ELFN1: variants seen among roughly 807,000 people sequenced by gnomAD.
ELFN1 encodes extracellular leucine rich repeat and fibronectin type III domain containing 1.
ELFN1 carries 6 observed loss-of-function variants against 7.6 expected under a neutral mutation model. The observed-to-expected ratio is 0.79, with a 90% confidence interval of 0.43 to 1.56. The LOEUF (loss-of-function observed/expected upper bound fraction) is 1.56. Among genes scored for constraint, ELFN1 ranks in the 40% most tolerant of loss-of-function variants. The pLI is 0.01. For synonymous variants in ELFN1, 657 were observed against 588.1 expected (o/e 1.12, Z -1.70); for missense variants, 1,169 against 1,232.2 (o/e 0.95, Z 0.77).
At chr7:1,677,956 T>C (rs1778903812) in intron 1 of ELFN1, among the ~76,000 whole-genome samples, 1 of 151,980 alleles carries the variant, frequency 6.6e-6, no homozygotes, top group Non-Finnish European at 1.5e-5. Flanking sequence ...CTGACAGACA[T>C]CCGGGCTTAT....
intron 3 of ELFN1, among the ~76,000 whole-genome samples, chr7:1,712,427 CT>C (rs72490826): frequency 0.17 from 22,710 of 136,294 alleles, 1,819 homozygotes; most frequent in Middle Eastern, 0.27. Flanking sequence ...GCCTTCTTTC[CT>C]TTTTTTTTTT....
At position 1,691,133 on chromosome 7, in the gene ELFN1, G is replaced by T. The variant is rs184149309; in HGVS notation, c.-456+2983G>T. On this transcript the variant is annotated intron_variant, in intron 2 of 3. Coordinates refer to ENST00000424383, the MANE Select transcript of ELFN1 (RefSeq NM_001128636.4). Reference sequence around the variant, plus strand: ...GTCCAAGCCCAGGGAGTCAGAGAGCGACAGAGTTGGGACCCAAACTTGACC... The same window carrying T: ...GTCCAAGCCCAGGGAGTCAGAGAGCTACAGAGTTGGGACCCAAACTTGACC... 8.0e-3 allele frequency among the ~76,000 whole-genome samples: 1,212 copies of T among 152,276 alleles called. 10 individuals are homozygous for T. The highest frequency in any genetic ancestry group is 0.027 in the African/African-American group (1,127 of 41,534).
intron 2 of ELFN1, among the ~76,000 whole-genome samples, chr7:1,699,806 C>T (rs377109057): frequency 3.9e-5 from 6 of 152,110 alleles, no homozygotes; most frequent in African/African-American, 7.2e-5. Context: ...CAGGTTCAAG[C>T]GATTCTCCTG....
chr7:1,746,849 G>T lies in ELFN1; in HGVS notation c.2253G>T (p.Ser751=), dbSNP rs1415584493. ...CGCGGCCCCGCGACCTCGCCTACTCGCAGCTGTCCCCGCAGTACCACAGCC... is the reference window on the plus strand; with the variant it reads ...CGCGGCCCCGCGACCTCGCCTACTCTCAGCTGTCCCCGCAGTACCACAGCC... ...TRPRPRDLAY[S]QLSPQYHSLS... The change falls in exon 4 of 4, where the codon TCG becomes TCT. Residue 751 remains serine, a synonymous_variant. Transcript: ENST00000424383. 14 of 1,537,112 alleles carry T rather than the reference G, an allele frequency of 9.1e-6. No individual in the cohort carries two copies. The highest frequency in any genetic ancestry group is 1.2e-5 in the Non-Finnish European group (14 of 1,140,942).
At position 1,745,315 on chromosome 7, in the gene ELFN1, G is replaced by A. The variant is rs767232083; in HGVS notation, c.719G>A (p.Arg240His). ...YLLGQGRRGH[R>H]SILSKLQSVC... ...CTGGGCCAGGGCCGCCGCGGCCACC[G>A]CAGCATCCTCAGCAAACTGCAGTCA... is the stretch of plus-strand genomic sequence containing the variant. Residue 240 changes from arginine (R) to histidine (H), a missense_variant, in exon 4 of 4, where the codon CGC becomes CAC. Arg to His is a conservative substitution (Grantham distance 29). Around this residue, in one of 2 missense-constraint regions of ELFN1, gnomAD observed 255 missense variants for 359.6 expected, o/e 0.71. Transcript: ENST00000424383. The A allele has an allele frequency of 7.1e-5, 110 of 1,539,102 alleles. No individual in the cohort carries two copies. Among genetic ancestry groups the A allele is most frequent in the Middle Eastern group, 3.3e-4 (2 of 5,990 alleles).
intron 1 of ELFN1, among the ~76,000 whole-genome samples, chr7:1,674,729 G>T (rs542756823): frequency 6.6e-6 from 1 of 152,248 alleles, no homozygotes; most frequent in Admixed American, 6.5e-5. Context: ...GAAGGGACAG[G>T]GCCTTGCCTC....
At chr7:1,666,976 C>T (rs1778681222), upstream of ELFN1, among the ~76,000 whole-genome samples, 1 of 151,194 alleles carries the variant, frequency 6.6e-6, no homozygotes, top group African/African-American at 2.4e-5. The surrounding 1 kb of genome is among the most constrained non-coding windows in gnomAD (Gnocchi z 7.9). Context: ...GGGAAGCTGG[C>T]GCGGCGGGGC....
At chr7:1,689,669 C>T (rs868172742) in intron 2 of ELFN1, among the ~76,000 whole-genome samples, 8 of 152,346 alleles carry the variant, frequency 5.3e-5, no homozygotes, top group Middle Eastern at 3.4e-3. Flanking sequence ...ACAACATTAT[C>T]CATTTACAGC....
Position 1,746,198 on chromosome 7 carries a change from G to C in ELFN1, c.1602G>C (p.Pro534=), listed in dbSNP as rs377554478. Residue 534 remains proline (P), a synonymous_variant, in exon 4 of 4, where the codon CCG becomes CCC. Coordinates refer to ENST00000424383, the MANE Select transcript of ELFN1 (RefSeq NM_001128636.4). The part of the protein sequence containing the change: ...SYMEVRTGDP[P]ERRDCELGRP... ...TGGAGGTTCGAACCGGGGACCCTCC[G>C]GAACGCAGGGACTGTGAGCTGGGCC... 3 of 1,551,998 alleles carry C rather than the reference G, an allele frequency of 1.9e-6. No individual in the cohort carries two copies. In the Admixed American group the frequency reaches 5.9e-5, roughly 30 times the overall value.
Position 1,745,887 on chromosome 7 carries a change from C to T in ELFN1, c.1291C>T (p.Leu431=), listed in dbSNP as rs769560119. 7 of 1,591,360 alleles carry T rather than the reference C, an allele frequency of 4.4e-6. No homozygotes were observed. The South Asian group carries it at 5.7e-5, about 13-fold the overall frequency. Residue 431 remains leucine (L), a synonymous_variant, in exon 4 of 4, where the codon CTG becomes TTG. Transcript: ENST00000424383. ...CCTGGGCTGCCTCTTCGGCATGGTG[C>T]TGGTGCTGGGCGCCGTCTACTACTG... ...TILGCLFGMV[L]VLGAVYYCLR...
At chr7:1,675,059 G>GGGCTC in intron 1 of ELFN1, among the ~76,000 whole-genome samples, 1 of 51,412 alleles carries the variant, frequency 1.9e-5, no homozygotes, top group Non-Finnish European at 3.3e-5. Flanking sequence ...TCAGCTGGGA[G>GGGCTC]AGTGCCCTGG....
intron 1 of ELFN1, among the ~76,000 whole-genome samples, chr7:1,680,271 A>G (rs1778950269): frequency 6.6e-6 from 1 of 152,154 alleles, no homozygotes; most frequent in Admixed American, 6.5e-5. Context: ...ACGTAGGGGA[A>G]CAAATTGTGT....
At chr7:1,679,170 C>T (rs994700915) in intron 1 of ELFN1, among the ~76,000 whole-genome samples, 17 of 146,880 alleles carry the variant, frequency 1.2e-4, no homozygotes, top group Admixed American at 3.9e-4. Context: ...CGTGCACACA[C>T]GTACGCGCGC....
intron 3 of ELFN1, among the ~76,000 whole-genome samples, chr7:1,712,829 A>G (rs974209617): frequency 1.3e-5 from 2 of 152,164 alleles, no homozygotes; most frequent in Non-Finnish European, 2.9e-5. Context: ...TCCCTCTTTT[A>G]TCTCTTATCT....
Position 1,695,300 on chromosome 7 carries a change from G to A in ELFN1, c.-456+7150G>A, listed in dbSNP as rs985923707. On this transcript the variant is annotated intron_variant, in intron 2 of 3. Coordinates refer to ENST00000424383, the MANE Select transcript of ELFN1 (RefSeq NM_001128636.4). The surrounding 1 kb of genome is among the most constrained non-coding windows in gnomAD (Gnocchi z 5.1). Reference sequence around the variant, plus strand: ...CCCAGCCCTTCCCAGCACCAGCTGCGTCCTCCTCCTCCAGGGCTGCAGCTC... The same window carrying A: ...CCCAGCCCTTCCCAGCACCAGCTGCATCCTCCTCCTCCAGGGCTGCAGCTC... 1.3e-5 allele frequency among the ~76,000 whole-genome samples: 2 copies of A among 152,164 alleles called. No homozygotes were observed. The highest frequency in any genetic ancestry group is 4.8e-5 in the African/African-American group (2 of 41,414).
At chr7:1,725,318 C>A (rs1321878288) in intron 3 of ELFN1, among the ~76,000 whole-genome samples, 1 of 152,220 alleles carries the variant, frequency 6.6e-6, no homozygotes, top group Non-Finnish European at 1.5e-5. Flanking sequence ...GGGCTCCTGG[C>A]AGCTGGCGGG....
In ELFN1 at chr7:1,740,056, G is replaced by A. The variant is rs1040947709; in HGVS notation, c.-293-4248G>A. On this transcript the variant is annotated intron_variant, in intron 3 of 3. Coordinates refer to ENST00000424383, the MANE Select transcript of ELFN1 (RefSeq NM_001128636.4). This position sits in a 1 kb window ranked among gnomAD's most constrained non-coding sequence, Gnocchi z 5.0. ...ACCCGTGGCCACCCTGTTGGACAGC[G>A]CAAGTACAGAACCTCTGTGCATCCA... Among the ~76,000 whole-genome samples, 14 of 152,308 alleles carry A rather than the reference G, an allele frequency of 9.2e-5. No homozygotes were observed. Among genetic ancestry groups the A allele is most frequent in the African/African-American group, 3.1e-4 (13 of 41,560 alleles).
At position 1,746,094 on chromosome 7, in the gene ELFN1, C is replaced by T. The variant is rs747447613; in HGVS notation, c.1498C>T (p.Leu500=). 1.3e-6 allele frequency: 2 copies of T among 1,547,088 alleles called. No homozygotes were observed. Among genetic ancestry groups the T allele is most frequent in the East Asian group, 2.5e-5 (1 of 40,770 alleles). Residue 500 remains leucine (L), a synonymous_variant, in exon 4 of 4, where the codon CTG becomes TTG. Coordinates refer to ENST00000424383, the MANE Select transcript of ELFN1 (RefSeq NM_001128636.4). ...CGAGGCCGTGACGCGCATCCCTTACCTGCCTGCGGCCGGCGAGGTGGAGCA... is the reference window on the plus strand; with the variant it reads ...CGAGGCCGTGACGCGCATCCCTTACTTGCCTGCGGCCGGCGAGGTGGAGCA... ...GPEAVTRIPY[L]PAAGEVEQYK...
intron 3 of ELFN1, among the ~76,000 whole-genome samples, chr7:1,724,199 C>T (rs752746264): frequency 1.2e-4 from 18 of 152,192 alleles, no homozygotes; most frequent in Non-Finnish European, 2.4e-4. Context: ...GTGCCTGGCG[C>T]GTGGTAGGTG....
Sources: allele counts gnomAD v4.1 joint callset (sites outside exome capture counted in the v4.1 genomes callset), GRCh38; gene constraint gnomAD v4.1.1; regional missense constraint gnomAD v4.1.1; non-coding constraint Gnocchi (gnomAD v3.1); transcripts MANE v1.5; gene names NCBI Gene and HGNC (gene_info 2026-07-23, HGNC 2026-07-21).